The following ICA1L variants were observed in gnomAD, a reference collection of about 807,000 sequenced individuals.
ICA1L encodes islet cell autoantigen 1-like protein.
ICA1L carries 50 observed loss-of-function variants against 61.3 expected under a neutral mutation model. That is an observed-to-expected ratio of 0.82 (90% CI 0.65 to 1.03). The LOEUF (loss-of-function observed/expected upper bound fraction) is 1.03. Ranked by LOEUF, ICA1L falls within the 50% of genes least tolerant of loss-of-function variation. ICA1L has a pLI of 0.00. For synonymous variants in ICA1L, 161 were observed against 191.3 expected (o/e 0.84, Z 1.31); for missense variants, 508 against 556.7 (o/e 0.91, Z 0.88).
intron 1 of ICA1L, among the ~76,000 whole-genome samples, chr2:202,838,416 G>T (rs1332175699): frequency 6.6e-6 from 1 of 152,182 alleles, no homozygotes; most frequent in Non-Finnish European, 1.5e-5. Flanking sequence ...TGGATGGAAT[G>T]TTCTGCATAT....
rs1247727242 is a variant in ICA1L, at chr2:202,773,543, G to A, written c.*5990C>T. 5.3e-6 allele frequency: 2 copies of A among 380,162 alleles called. No individual in the cohort carries two copies. The highest frequency in any genetic ancestry group is 4.6e-5 in the South Asian group (1 of 21,950). The allele number at this position is 380,162 out of a possible 1,614,324, so 23.5% of individuals were successfully genotyped here. A position where few individuals can be genotyped will look rare whatever the true frequency, so the allele number is the denominator to read the frequency against. Reference sequence around the variant, plus strand: ...TATGTCAGAGCCTTCAAAAAACACGGGCAGAACAAGAGTACAATAAAAGAA... The same window carrying A: ...TATGTCAGAGCCTTCAAAAAACACGAGCAGAACAAGAGTACAATAAAAGAA... On this transcript the variant is annotated 3_prime_UTR_variant, in exon 13 of 13. Transcript: ENST00000358299.
At chr2:202,845,658 T>A (rs1446871404) in intron 1 of ICA1L, among the ~76,000 whole-genome samples, 1 of 152,068 alleles carries the variant, frequency 6.6e-6, no homozygotes, top group Non-Finnish European at 1.5e-5. Flanking sequence ...TTTATTCCTT[T>A]TTACACTATA....
intron 9 of ICA1L, among the ~76,000 whole-genome samples, chr2:202,802,279 A>G (rs1330252449): frequency 5.3e-5 from 8 of 152,208 alleles, no homozygotes; most frequent in Admixed American, 5.2e-4. Flanking sequence ...GTAGAGGGAA[A>G]GGGGGATGAA....
chr2:202,817,759 C>G (rs1264538758), intron 5 of ICA1L, among the ~76,000 whole-genome samples: 1 of 152,036 alleles, frequency 6.6e-6, no homozygotes, highest in Non-Finnish European at 1.5e-5. Context: ...CAGAAGATAT[C>G]TTTATGCTGA....
intron 1 of ICA1L, among the ~76,000 whole-genome samples, chr2:202,856,457 A>G (rs1284798075): frequency 6.6e-6 from 1 of 152,182 alleles, no homozygotes; most frequent in African/African-American, 2.4e-5. Context: ...CTCTCAATAA[A>G]CTAGCTATTG....
At chr2:202,806,721 T>C (rs1406612765) in intron 9 of ICA1L, among the ~76,000 whole-genome samples, 1 of 152,132 alleles carries the variant, frequency 6.6e-6, no homozygotes, top group Non-Finnish European at 1.5e-5. Context: ...TACTATGTGC[T>C]ATGGAGTTTC....
chr2:202,821,592 GGAA>G (rs781212979), intron 3 of ICA1L, 111 bp from the exon 4 acceptor site: 17 of 728,922 alleles, frequency 2.3e-5, no homozygotes, highest in Non-Finnish European at 3.1e-5. Context: ...TTTACTTAGG[GGAA>G]GAAGAAGAGA....
chr2:202,808,491 G>GATGGCAT (rs1191594048), intron 9 of ICA1L, among the ~76,000 whole-genome samples: 4 of 152,182 alleles, frequency 2.6e-5, no homozygotes, highest in African/African-American at 9.7e-5. Flanking sequence ...CTGGCTCCCA[G>GATGGCAT]ATGGCATTCT....
chr2:202,773,865 G>A lies in ICA1L; in HGVS notation c.*5668C>T. On this transcript the variant is annotated 3_prime_UTR_variant, in exon 13 of 13. Transcript: ENST00000358299. ...CTGTGGGAAGTTTTCTTCTACAGAG[G>A]CTGAGTGGAACAGTCCTGCTAAATA... 1.5e-6 allele frequency: 2 copies of A among 1,318,770 alleles called. No homozygotes were observed. Among genetic ancestry groups the A allele is most frequent in the Non-Finnish European group, 2.2e-6 (2 of 914,568 alleles). The allele number at this position is 1,318,770 out of a possible 1,614,324, so 81.7% of individuals were successfully genotyped here.
In ICA1L at chr2:202,773,937, C is replaced by A. The variant is rs569918137; in HGVS notation, c.*5596G>T. On this transcript the variant is annotated 3_prime_UTR_variant, in exon 13 of 13. Coordinates refer to ENST00000358299, the MANE Select transcript of ICA1L (RefSeq NM_001288622.3). ...CAACGTAGAAAGAGACAGAAAGATT[C>A]TTCTCTTCCGCTTATTACTTGCCAC... The A allele has an allele frequency of 1.2e-5, 14 of 1,156,798 alleles. No individual in the cohort carries two copies. In the East Asian group the frequency reaches 3.3e-4, roughly 27 times the overall value. 71.7% of individuals were successfully genotyped at this position (1,156,798 alleles called of 1,614,324 possible). A position where few individuals can be genotyped will look rare whatever the true frequency, so the allele number is the denominator to read the frequency against.
chr2:202,865,460 C>T (rs1426724487), intron 1 of ICA1L, among the ~76,000 whole-genome samples: 3 of 149,310 alleles, frequency 2.0e-5, no homozygotes, highest in Non-Finnish European at 3.0e-5. Flanking sequence ...CAAAGCAAGA[C>T]TCCATCCCGA....
chr2:202,791,298 T>C (rs1692742141), intron 10 of ICA1L, among the ~76,000 whole-genome samples: 2 of 152,164 alleles, frequency 1.3e-5, no homozygotes, highest in Admixed American at 6.5e-5. Flanking sequence ...ACAAAGAATT[T>C]TGTGCTTCCA....
rs959208165 is a variant in ICA1L, at chr2:202,811,802, C to A, written c.867-13G>T. The A allele has an allele frequency of 5.1e-6, 8 of 1,556,272 alleles. No individual in the cohort carries two copies. In the African/African-American group the frequency reaches 6.9e-5, roughly 13 times the overall value. Reference sequence around the variant, plus strand: ...AGACAAAACTAGCCTGAAGTAAAAACAAAAAAAAATGTAGATTTTTTGTTA... The same window carrying A: ...AGACAAAACTAGCCTGAAGTAAAAAAAAAAAAAAATGTAGATTTTTTGTTA... On this transcript the variant is annotated splice_polypyrimidine_tract_variant and intron_variant, in intron 8 of 12. Transcript: ENST00000358299.
chr2:202,786,725 T>G (rs1313730105), intron 11 of ICA1L: 9 of 453,522 alleles, frequency 2.0e-5, no homozygotes, highest in Non-Finnish European at 4.0e-5. Flanking sequence ...AGGAAATAAT[T>G]TAGCTGAAGG....
At chr2:202,864,070 AC>A (rs1403261382) in intron 1 of ICA1L, among the ~76,000 whole-genome samples, 5 of 152,114 alleles carry the variant, frequency 3.3e-5, no homozygotes, top group East Asian at 3.9e-4. Flanking sequence ...ACAAAACGAA[AC>A]CCTTTCAGAA....
intron 1 of ICA1L, among the ~76,000 whole-genome samples, chr2:202,863,543 G>A (rs1027300328): frequency 6.6e-5 from 10 of 151,652 alleles, no homozygotes; most frequent in African/African-American, 2.4e-4. Context: ...GAATAAAAAA[G>A]GCCGGGCGCG....
intron 9 of ICA1L, 26 bp from the exon 10 acceptor site, chr2:202,796,990 A>T (rs749847271): frequency 1.3e-6 from 2 of 1,496,248 alleles, no homozygotes; most frequent in South Asian, 2.4e-5. Context: ...ATAAAAGAGA[A>T]GTTGAACAAG....
At chr2:202,817,324 A>G in intron 6 of ICA1L, 94 bp downstream of exon 6, 4 of 1,148,126 alleles carry the variant, frequency 3.5e-6, no homozygotes, top group Non-Finnish European at 4.8e-6. Flanking sequence ...GAATCTAATC[A>G]TACATAAATT....
chr2:202,808,677 A>G (rs1055062063), intron 9 of ICA1L, among the ~76,000 whole-genome samples: 26 of 152,310 alleles, frequency 1.7e-4, no homozygotes, highest in Admixed American at 1.2e-3. Flanking sequence ...GGCTTTGGAG[A>G]AACTCCATGT....
Sources: gnomAD v4.1 joint callset for allele counts (sites outside exome capture counted in the v4.1 genomes callset) on GRCh38, gnomAD v4.1.1 for gene constraint, MANE v1.5 for transcripts, NCBI Gene and HGNC (gene_info 2026-07-23, HGNC 2026-07-21) for gene names.